Variants in PCDHGA4 observed in about 807,000 individuals in gnomAD.
PCDHGA4 encodes protocadherin gamma subfamily A, 4, also known as protocadherin gamma-A4.
Under a neutral mutation model 54.6 loss-of-function variants are expected in PCDHGA4, and 38 were observed. The observed-to-expected ratio is 0.70, with a 90% confidence interval of 0.54 to 0.91. The LOEUF is 0.91. Ranked by LOEUF, PCDHGA4 falls within the 40% of genes least tolerant of loss-of-function variation. PCDHGA4 has a pLI of 0.00. For missense variants in PCDHGA4, 1,298 were observed against 1,220.9 expected (o/e 1.06, Z -0.94); for synonymous variants, 511 against 512.9 (o/e 1.00, Z 0.05).
chr5:141,466,344 T>G (rs1036472951), intron 1 of PCDHGA4, among the ~76,000 whole-genome samples: 5 of 152,106 alleles, frequency 3.3e-5, no homozygotes, highest in African/African-American at 4.8e-5. Flanking sequence ...ATAATTTTTT[T>G]GCAGCTAATC....
At chr5:141,422,463 C>T in intron 1 of PCDHGA4, 1 of 1,613,472 alleles carries the variant, frequency 6.2e-7, no homozygotes, top group African/African-American at 1.3e-5. Context: ...GAGTGCTGGA[C>T]AGGGAGTTGG....
chr5:141,389,281 G>A (rs768749414), intron 1 of PCDHGA4: 3 of 1,614,012 alleles, frequency 1.9e-6, no homozygotes, highest in South Asian at 2.2e-5. Context: ...AACCCGCCTG[G>A]AGCCTCTATT....
rs765743251 is a variant in PCDHGA4 at position 141,476,488 on chromosome 5, G to A, written c.2515-18319G>A. ...TGGAGCTGTTCAGCGTGGAAGTGGTGATCCAGGACATCAACGACAACAATC... is the reference window on the plus strand; with the variant it reads ...TGGAGCTGTTCAGCGTGGAAGTGGTAATCCAGGACATCAACGACAACAATC... On this transcript the variant is annotated intron_variant, in intron 1 of 3. Coordinates refer to ENST00000571252, the MANE Select transcript of PCDHGA4 (RefSeq NM_018917.4). This position sits in a 1 kb window ranked among gnomAD's most constrained non-coding sequence, Gnocchi z 7.6. 4 of 1,613,932 alleles carry A rather than the reference G, an allele frequency of 2.5e-6. No homozygotes were observed. Among genetic ancestry groups the A allele is most frequent in the Non-Finnish European group, 3.4e-6 (4 of 1,180,016 alleles).
intron 2 of PCDHGA4, among the ~76,000 whole-genome samples, chr5:141,502,625 T>G (rs2099815384): frequency 6.6e-6 from 1 of 152,210 alleles, no homozygotes; most frequent in Admixed American, 6.5e-5. Context: ...ATAAGTAATC[T>G]GTGGATGATA....
chr5:141,366,058 G>C, intron 1 of PCDHGA4: 2 of 1,614,242 alleles, frequency 1.2e-6, no homozygotes, highest in East Asian at 2.2e-5. Flanking sequence ...CGGGCGTGGA[G>C]CTGGCGCCTC....
Position 141,494,864 on chromosome 5 carries a change from G to T in PCDHGA4, c.2572G>T (p.Gly858Cys), listed in dbSNP as rs773899530. 12 of 1,613,950 alleles carry T rather than the reference G, an allele frequency of 7.4e-6. No individual in the cohort carries two copies. Among genetic ancestry groups the T allele is most frequent in the South Asian group, 1.1e-5 (1 of 91,080 alleles). ...TCAGGCCCAGAGACCCGGCACCAGC[G>T]GGTAGGTGACTGATTCTCCAGCCCA... Reference protein sequence around the residue: ...FSQAQRPGTSGSQNGDDTGTW... With the variant: ...FSQAQRPGTSCSQNGDDTGTW... Residue 858 changes from glycine to cysteine, a missense_variant and splice_region_variant, in exon 2 of 4, where the codon GGC becomes TGC. Physicochemically the swap from Gly to Cys is radical, Grantham distance 159 (BLOSUM62 -3). Coordinates refer to ENST00000571252, the MANE Select transcript of PCDHGA4 (RefSeq NM_018917.4).
rs978973236 is a variant in PCDHGA4, at chr5:141,399,545, C to G, written c.2514+41924C>G. 8 of 1,614,050 alleles carry G rather than the reference C, an allele frequency of 5.0e-6. No homozygotes were observed. In the South Asian group the frequency reaches 6.6e-5, roughly 13 times the overall value. ...GCCTCCATCGCGCAAGTCTGCGCCT[C>G]GGACCTGGACTTGGGGTTGAACGGC... On this transcript the variant is annotated intron_variant, in intron 1 of 3. Transcript: ENST00000571252.
At position 141,413,315 on chromosome 5, in the gene PCDHGA4, C is replaced by G. The variant is rs747758921; in HGVS notation, c.2514+55694C>G. The stretch of plus-strand genomic sequence containing the variant: ...ATTCCTGAGGAATTAGAGAAAGGCT[C>G]TTTCGTGGGCAACATCTCCAAGGAC... On this transcript the variant is annotated intron_variant, in intron 1 of 3. Transcript: ENST00000571252. 6 of 1,613,976 alleles carry G rather than the reference C, an allele frequency of 3.7e-6. No individual in the cohort carries two copies. The South Asian group carries it at 5.5e-5, about 15-fold the overall frequency.
At position 141,375,585 on chromosome 5, in the gene PCDHGA4, T is replaced by A. The variant is rs765334095; in HGVS notation, c.2514+17964T>A. 3.1e-6 allele frequency: 5 copies of A among 1,614,014 alleles called. No individual in the cohort carries two copies. The African/African-American group carries it at 6.7e-5, about 22-fold the overall frequency. ...GAAGACACCCTCCAGGGGGCGCCCC[T>A]GTCCTCCTACGTGTCCATCAACTCC... On this transcript the variant is annotated intron_variant, in intron 1 of 3. Transcript: ENST00000571252.
chr5:141,422,877 C>A, intron 1 of PCDHGA4: 1 of 1,614,246 alleles, frequency 6.2e-7, no homozygotes. Context: ...TGTCGCTGAG[C>A]CTGTTCGTGC....
At chr5:141,420,420 CAA>C (rs1462714732) in intron 1 of PCDHGA4, 2 of 1,201,950 alleles carry the variant, frequency 1.7e-6, no homozygotes, top group African/African-American at 3.2e-5. Context: ...ATTATTAAAA[CAA>C]AAGTTTAAAT....
chr5:141,391,030 G>A (rs2092291091), intron 1 of PCDHGA4: 1 of 152,184 alleles, frequency 6.6e-6, no homozygotes, highest in Non-Finnish European at 1.5e-5. Flanking sequence ...AAAAGACAAT[G>A]TTTTGTGTCT....
rs746159671 is a variant in PCDHGA4, at chr5:141,399,684, G to A, written c.2514+42063G>A. The A allele has an allele frequency of 2.4e-5, 38 of 1,613,538 alleles. 1 individual carries two copies. In the South Asian group the frequency reaches 4.2e-4, roughly 18 times the overall value. On this transcript the variant is annotated intron_variant, in intron 1 of 3. Transcript: ENST00000571252. ...TCGCGCAGCGCGCCTTTGACTACGAGCAGCTGCGCACCTTCGAACTCACAC... is the reference window on the plus strand; with the variant it reads ...TCGCGCAGCGCGCCTTTGACTACGAACAGCTGCGCACCTTCGAACTCACAC...
intron 1 of PCDHGA4, chr5:141,403,303 C>A: frequency 6.2e-7 from 1 of 1,613,820 alleles, no homozygotes; most frequent in African/African-American, 1.3e-5. Context: ...TGAAACTGTA[C>A]GGAATAGAAA....
chr5:141,390,060 C>G, intron 1 of PCDHGA4: 3 of 1,614,082 alleles, frequency 1.9e-6, no homozygotes, highest in Non-Finnish European at 2.5e-6. Flanking sequence ...GAGCTGCTTC[C>G]AGCCTGGTCT....
intron 1 of PCDHGA4, chr5:141,414,054 G>T: frequency 6.2e-7 from 1 of 1,610,250 alleles, no homozygotes; most frequent in South Asian, 1.1e-5. Context: ...ACACGCAATT[G>T]TTGAAGTTCC....
chr5:141,486,565 TC>T lies in PCDHGA4; in HGVS notation c.2515-8240del. The T allele has an allele frequency of 6.2e-7, 1 of 1,614,024 alleles. No homozygotes were observed. The highest frequency in any genetic ancestry group is 2.2e-5 in the East Asian group (1 of 44,880). On this transcript the variant is annotated intron_variant, in intron 1 of 3. Transcript: ENST00000571252. This position sits in a 1 kb window ranked among gnomAD's most constrained non-coding sequence, Gnocchi z 5.0. Reference sequence around the variant, plus strand: ...TTCAGAGGTCACATGAGGTGTTTGTTCCTGAGAACAATCGCCCAGGGGACCT... The same window carrying T: ...TTCAGAGGTCACATGAGGTGTTTGTTCTGAGAACAATCGCCCAGGGGACCT...
At chr5:141,420,527 G>T (rs368419425) in intron 1 of PCDHGA4, 3 of 349,150 alleles carry the variant, frequency 8.6e-6, no homozygotes, top group Non-Finnish European at 1.5e-5. Flanking sequence ...ATACCTTTCG[G>T]TTAAAAATAT....
At chr5:141,458,615 G>A (rs2098949624) in intron 1 of PCDHGA4, among the ~76,000 whole-genome samples, 1 of 152,088 alleles carries the variant, frequency 6.6e-6, no homozygotes, top group Admixed American at 6.6e-5. Flanking sequence ...TGTCAGCCAG[G>A]CTGGAGTGCA....
Sources: gnomAD v4.1 joint callset for allele counts (sites outside exome capture counted in the v4.1 genomes callset) on GRCh38, gnomAD v4.1.1 for gene constraint, Gnocchi (gnomAD v3.1) non-coding constraint, MANE v1.5 for transcripts, NCBI Gene and HGNC (gene_info 2026-07-23, HGNC 2026-07-21) for gene names.